Variants in GOLGA1 observed in about 807,000 individuals in gnomAD.
GOLGA1 encodes the protein golgin A1.
Under a neutral mutation model 119.7 loss-of-function variants are expected in GOLGA1, and 63 were observed. That is an observed-to-expected ratio of 0.53 (90% CI 0.43 to 0.65). The LOEUF is 0.65. Among genes scored for constraint, GOLGA1 ranks in the 30% least tolerant of loss-of-function variants. The probability of loss-of-function intolerance (pLI) is 0.00; values close to 1 mark genes in which losing one functional copy is unlikely to be tolerated. For synonymous variants in GOLGA1, 318 were observed against 333.4 expected, an observed-to-expected ratio of 0.95 and a Z score of 0.50; for missense variants, 798 against 912.8, an observed-to-expected ratio of 0.87 and a Z score of 1.62.
intron 10 of GOLGA1, among the ~76,000 whole-genome samples, chr9:124,914,754 G>A (rs1041444541): frequency 9.2e-5 from 14 of 152,236 alleles, no homozygotes; most frequent in Non-Finnish European, 1.8e-4. Context: ...AGCGATAGAT[G>A]AAGAATTTAA....
chr9:124,929,065 T>C (rs576230722), intron 5 of GOLGA1, 151 bp downstream of exon 5: 1 of 631,890 alleles, frequency 1.6e-6, no homozygotes. Context: ...ATAAATATCA[T>C]CCAAATGTTA....
Position 124,888,770 on chromosome 9 carries a change from G to A in GOLGA1, c.1761+373C>T, listed in dbSNP as rs1026294085. On this transcript the variant is annotated intron_variant, in intron 18 of 22. Coordinates refer to ENST00000373555, the MANE Select transcript of GOLGA1 (RefSeq NM_002077.4). The surrounding 1 kb of genome is among the most constrained non-coding windows in gnomAD (Gnocchi z 4.4). ...GGCTGGAGTGCAGTGGCGCAATCTC[G>A]GCTCCACCAAGCTCCGCCTCCCGGG... is the stretch of plus-strand genomic sequence containing the variant. 6.6e-5 allele frequency among the ~76,000 whole-genome samples: 10 copies of A among 152,042 alleles called. No homozygotes were observed. The highest frequency in any genetic ancestry group is 1.3e-4 in the Non-Finnish European group (9 of 68,006).
At chr9:124,891,229 TG>T (rs1829848329) in intron 15 of GOLGA1, among the ~76,000 whole-genome samples, 1 of 152,162 alleles carries the variant, frequency 6.6e-6, no homozygotes, top group Non-Finnish European at 1.5e-5. Context: ...GAGGTGGGGT[TG>T]ACAGTGCCTG....
At chr9:124,903,151 T>C (rs74950983) in intron 12 of GOLGA1, among the ~76,000 whole-genome samples, 4,554 of 152,256 alleles carry the variant, frequency 0.03, 222 homozygotes, top group East Asian at 0.23. Context: ...GGTAGCATTA[T>C]TCACAACAGC....
intron 19 of GOLGA1, among the ~76,000 whole-genome samples, chr9:124,884,761 T>G (rs1829678277): frequency 6.6e-6 from 1 of 152,218 alleles, no homozygotes; most frequent in African/African-American, 2.4e-5. Context: ...AAAAGTACAT[T>G]GGCTACTTTA....
intron 15 of GOLGA1, among the ~76,000 whole-genome samples, chr9:124,896,131 AG>A (rs1434497364): frequency 6.6e-6 from 1 of 152,178 alleles, no homozygotes; most frequent in African/African-American, 2.4e-5. Context: ...GCTCCATCTC[AG>A]GCAGGGCATG....
intron 3 of GOLGA1, 113 bp from the exon 4 acceptor site, chr9:124,931,519 T>A (rs1830771431): frequency 1.5e-6 from 1 of 656,620 alleles, no homozygotes; most frequent in African/African-American, 1.8e-5. Flanking sequence ...TTAATTGTAA[T>A]CACTGAAAAG....
At chr9:124,914,725 C>T (rs1830408568) in intron 10 of GOLGA1, among the ~76,000 whole-genome samples, 1 of 152,178 alleles carries the variant, frequency 6.6e-6, no homozygotes, top group African/African-American at 2.4e-5. Context: ...AGGGACTAGC[C>T]CAAAGGCATA....
intron 20 of GOLGA1, among the ~76,000 whole-genome samples, 176 bp downstream of exon 20, chr9:124,882,334 G>A (rs79868352): frequency 0.011 from 1,724 of 152,310 alleles, 89 homozygotes; most frequent in Admixed American, 0.083. Context: ...TGCTTCAGAG[G>A]TGCATGCAGG....
chr9:124,925,074 C>T (rs1011285644), intron 7 of GOLGA1, among the ~76,000 whole-genome samples: 1 of 150,088 alleles, frequency 6.7e-6, no homozygotes, highest in East Asian at 1.9e-4. Context: ...AGCAAGACTC[C>T]GTCTCAAAAA....
chr9:124,899,539 G>A (rs997063023), intron 13 of GOLGA1, 61 bp from the exon 14 acceptor site: 3 of 1,473,520 alleles, frequency 2.0e-6, no homozygotes, highest in Admixed American at 2.0e-5. Flanking sequence ...GGGGATCTTA[G>A]TCTGGCCCTA....
At position 124,917,799 on chromosome 9, in the gene GOLGA1, G is replaced by A. The variant is rs115507447; in HGVS notation, c.843+3330C>T. ...TTCTCTCCAGCCTGAGCACTGTATC[G>A]AGTGTTACTTCCTTAAGTGTTCTAC... On this transcript the variant is annotated intron_variant, in intron 10 of 22. Coordinates refer to ENST00000373555, the MANE Select transcript of GOLGA1 (RefSeq NM_002077.4). 2.3e-3 allele frequency among the ~76,000 whole-genome samples: 357 copies of A among 152,042 alleles called. 1 individual carries two copies. The highest frequency in any genetic ancestry group is 7.9e-3 in the African/African-American group (328 of 41,472).
intron 3 of GOLGA1, among the ~76,000 whole-genome samples, chr9:124,936,960 T>C (rs1830882516): frequency 6.6e-6 from 1 of 152,100 alleles, no homozygotes; most frequent in Admixed American, 6.5e-5. Context: ...AGCAAGTAAA[T>C]GAAAAATACA....
intron 3 of GOLGA1, among the ~76,000 whole-genome samples, chr9:124,933,591 T>G (rs1016228822): frequency 1.3e-5 from 2 of 152,058 alleles, no homozygotes; most frequent in African/African-American, 2.4e-5. Flanking sequence ...ATATTTGTAT[T>G]TTTAGTAGAG....
chr9:124,944,261 T>C (rs572358474), upstream of GOLGA1: 1 of 151,780 alleles, frequency 6.6e-6, no homozygotes, highest in East Asian at 1.9e-4. Flanking sequence ...AGTAACAAGT[T>C]AACAAAAACC....
At chr9:124,912,269 GACAGTCTGGA>G (rs1191961352) in intron 10 of GOLGA1, among the ~76,000 whole-genome samples, 2 of 152,144 alleles carry the variant, frequency 1.3e-5, no homozygotes, top group Admixed American at 6.5e-5. Context: ...TTAAACAACT[GACAGTCTGGA>G]ACAAAGGCAT....
Position 124,911,943 on chromosome 9 carries a change from C to A in GOLGA1, c.927G>T (p.Gln309His). 6.2e-7 allele frequency: 1 copy of A among 1,610,428 alleles called. No homozygotes were observed. The highest frequency in any genetic ancestry group is 1.1e-5 in the South Asian group (1 of 90,994). Residue 309 changes from glutamine (Q) to histidine (H), a missense_variant, in exon 11 of 23, where the codon CAG becomes CAT. Transcript: ENST00000373555. ...GCAAGTGTTCTTCTCCTGATAAGTTCTGTTCTAGTCTCTTCTCCAAGGATG... is the reference window on the plus strand; with the variant it reads ...GCAAGTGTTCTTCTCCTGATAAGTTATGTTCTAGTCTCTTCTCCAAGGATG... ...KVASLEKRLE[Q>H]NLSGEEHLQE...
intron 11 of GOLGA1, among the ~76,000 whole-genome samples, chr9:124,908,851 A>C (rs1251853404): frequency 6.6e-6 from 1 of 152,242 alleles, no homozygotes; most frequent in Non-Finnish European, 1.5e-5. Context: ...CTATGTGAAC[A>C]GCCTGCTACG....
chr9:124,938,108 A>C (rs567481719), intron 3 of GOLGA1, among the ~76,000 whole-genome samples: 3 of 151,936 alleles, frequency 2.0e-5, no homozygotes, highest in Non-Finnish European at 4.4e-5. Context: ...AGAAAGAAAA[A>C]AGAAAAAAAG....
Sources: gnomAD v4.1 joint callset for allele counts (sites outside exome capture counted in the v4.1 genomes callset) on GRCh38, gnomAD v4.1.1 for gene constraint, Gnocchi (gnomAD v3.1) non-coding constraint, MANE v1.5 for transcripts, NCBI Gene and HGNC (gene_info 2026-07-23, HGNC 2026-07-21) for gene names.